DNAH14: variants seen among roughly 807,000 people sequenced by gnomAD.
DNAH14 encodes the protein dynein axonemal heavy chain 14, also known as axonemal beta dynein heavy chain 14.
DNAH14 carries 478 observed loss-of-function variants against 520.9 expected under a neutral mutation model. That is an observed-to-expected ratio of 0.92 (90% confidence interval 0.85 to 0.99). The LOEUF is 0.99. Ranked by LOEUF, DNAH14 falls within the 50% of genes least tolerant of loss-of-function variation. The pLI is 0.00. For synonymous variants in DNAH14, 1,581 were observed against 1,757.2 expected (o/e 0.90, Z 2.51); for missense variants, 4,831 against 5,234.5 (o/e 0.92, Z 2.38).
In DNAH14 at chr1:225,192,873, G is replaced by C; in HGVS notation, c.5848G>C (p.Asp1950His). The C allele has an allele frequency of 6.5e-7, 1 of 1,549,522 alleles. No homozygotes were observed. Among genetic ancestry groups the C allele is most frequent in the Non-Finnish European group, 8.7e-7 (1 of 1,145,836 alleles). The change falls in exon 38 of 86, where the codon GAT (aspartate) becomes CAT (histidine). Residue 1950 changes from aspartate to histidine, a missense_variant. Coordinates refer to ENST00000682510, the MANE Select transcript of DNAH14 (RefSeq NM_001367479.1). ...ACCAAAGAACACAAAGAAAGACATT[G>C]ATCTCAGACTAAAGTCAAGAATCTC... is the stretch of plus-strand genomic sequence containing the variant. ...NTPKNTKKDIDLRLKSRISDL... is the reference protein window; with the variant it reads ...NTPKNTKKDIHLRLKSRISDL...
In DNAH14 at chr1:225,360,703, C is replaced by A. The variant is rs779832271; in HGVS notation, c.11799C>A (p.Leu3933=). ...CAGGGATCGACCTTACCAATATCCT[C>A]CTGAGATTTGCACAAGAGTTAAAAG... ...QTHGIDLTNI[L]LRFAQELKGT... The change falls in exon 75 of 86, where the codon CTC becomes CTA. Residue 3933 remains leucine (L), a synonymous_variant. Coordinates refer to ENST00000682510, the MANE Select transcript of DNAH14 (RefSeq NM_001367479.1). The A allele has an allele frequency of 6.4e-7, 1 of 1,551,590 alleles. No homozygotes were observed. Among genetic ancestry groups the A allele is most frequent in the African/African-American group, 1.4e-5 (1 of 73,052 alleles).
intron 38 of DNAH14, among the ~76,000 whole-genome samples, chr1:225,201,916 C>G (rs1485633134): frequency 7.0e-6 from 1 of 141,978 alleles, no homozygotes. Context: ...CCTCTTGTCC[C>G]CCAGGCTGGA....
chr1:225,114,786 C>T (rs1008490794), intron 23 of DNAH14, among the ~76,000 whole-genome samples: 8 of 152,194 alleles, frequency 5.3e-5, no homozygotes, highest in Non-Finnish European at 1.2e-4. Flanking sequence ...CCCACAGTCA[C>T]TGTGCTCTCT....
intron 23 of DNAH14, among the ~76,000 whole-genome samples, chr1:225,108,259 A>G (rs1033806922): frequency 5.3e-5 from 8 of 152,182 alleles, no homozygotes; most frequent in African/African-American, 1.7e-4. Flanking sequence ...AGGGTTTCTC[A>G]GGCCTTCAGC....
At chr1:225,017,296 AC>A (rs2065289005) in intron 10 of DNAH14, among the ~76,000 whole-genome samples, 1 of 152,238 alleles carries the variant, frequency 6.6e-6, no homozygotes, top group African/African-American at 2.4e-5. Flanking sequence ...ATGTTTAAAT[AC>A]AGTATGAGCA....
chr1:225,263,599 A>C (rs1359556799), intron 46 of DNAH14, among the ~76,000 whole-genome samples: 1 of 151,968 alleles, frequency 6.6e-6, no homozygotes, highest in East Asian at 1.9e-4. Flanking sequence ...AGCCACCATC[A>C]TCTATGTCTT....
In DNAH14 at chr1:225,392,421, G is replaced by A. The variant is rs1318654145; in HGVS notation, c.13461G>A (p.Lys4487=). Residue 4487 remains lysine (K), a synonymous_variant, in exon 84 of 86, where the codon AAG becomes AAA. Transcript: ENST00000682510. The part of the protein sequence containing the change: ...KDEKFSVFMP[K]KLNIVRRAFK... ...AGAAGTTCTCCGTATTTATGCCAAA[G>A]AAACTCAACATAGTCAGGAGAGCGT... 2 of 1,551,838 alleles carry A rather than the reference G, an allele frequency of 1.3e-6. No homozygotes were observed. The highest frequency in any genetic ancestry group is 2.7e-5 in the African/African-American group (2 of 73,064).
intron 10 of DNAH14, among the ~76,000 whole-genome samples, chr1:225,013,571 G>C (rs1267405695): frequency 6.6e-6 from 1 of 152,104 alleles, no homozygotes; most frequent in Non-Finnish European, 1.5e-5. Context: ...CCTTTCCCCA[G>C]GTGCTCTGTG....
chr1:225,104,162 G>A (rs183707311), intron 23 of DNAH14, among the ~76,000 whole-genome samples: 14 of 150,558 alleles, frequency 9.3e-5, no homozygotes, highest in South Asian at 2.1e-4. Flanking sequence ...GGTTTTTGTC[G>A]TTCTGTTTAT....
Position 225,147,228 on chromosome 1 carries a change from C to CA in DNAH14, c.4923dup (p.Asp1642ArgfsTer39), listed in dbSNP as rs758421334. ...TCACAGATCCTAACAATTAAGGCTGCAAAAGACAACTATTCTGCCAGGTAT... is the reference window on the plus strand; with the variant it reads ...TCACAGATCCTAACAATTAAGGCTGCAAAAAGACAACTATTCTGCCAGGTAT... On this transcript the variant is annotated frameshift_variant, in exon 31 of 86. Transcript: ENST00000682510. LOFTEE classifies it high-confidence loss of function. The CA allele has an allele frequency of 1.9e-6, 3 of 1,545,422 alleles. No individual in the cohort carries two copies. The highest frequency in any genetic ancestry group is 2.6e-6 in the Non-Finnish European group (3 of 1,145,214).
chr1:225,056,856 T>C (rs562987324), intron 17 of DNAH14, among the ~76,000 whole-genome samples: 1 of 152,330 alleles, frequency 6.6e-6, no homozygotes, highest in East Asian at 1.9e-4. Flanking sequence ...TGTGGAATTA[T>C]TTCTGAGGGC....
intron 38 of DNAH14, among the ~76,000 whole-genome samples, chr1:225,202,464 G>A (rs1394013468): frequency 3.3e-5 from 5 of 152,092 alleles, no homozygotes; most frequent in Admixed American, 1.3e-4. Context: ...GGTTGTCAGG[G>A]AAGTGGGGGA....
intron 1 of DNAH14, among the ~76,000 whole-genome samples, chr1:224,943,532 G>T (rs1450373029): frequency 6.6e-6 from 1 of 152,080 alleles, no homozygotes; most frequent in Non-Finnish European, 1.5e-5. Context: ...CTTGCCTTCT[G>T]CTAGCTTTTC....
At chr1:225,353,945 T>C (rs2095401347) in intron 73 of DNAH14, 57 bp downstream of exon 73, 13 of 1,004,024 alleles carry the variant, frequency 1.3e-5, no homozygotes, top group Non-Finnish European at 1.8e-5. Context: ...GCTTTATTAG[T>C]AACTTAAACC....
intron 54 of DNAH14, among the ~76,000 whole-genome samples, chr1:225,289,052 C>T (rs1157580469): frequency 6.6e-6 from 1 of 152,054 alleles, no homozygotes; most frequent in Admixed American, 6.6e-5. Context: ...GAAGTAGAAA[C>T]CATTCAAATG....
chr1:225,293,366 T>G (rs1459393415), intron 55 of DNAH14, among the ~76,000 whole-genome samples: 1 of 152,122 alleles, frequency 6.6e-6, no homozygotes, highest in Non-Finnish European at 1.5e-5. Flanking sequence ...TAAAGATACA[T>G]GCATGTGTAT....
At chr1:225,108,035 T>G (rs2076216138) in intron 23 of DNAH14, among the ~76,000 whole-genome samples, 1 of 152,212 alleles carries the variant, frequency 6.6e-6, no homozygotes, top group African/African-American at 2.4e-5. Flanking sequence ...GTCAGTGGAC[T>G]GGGAGAGCCA....
At chr1:225,375,958 T>C (rs2095693616) in intron 78 of DNAH14, among the ~76,000 whole-genome samples, 1 of 150,732 alleles carries the variant, frequency 6.6e-6, no homozygotes, top group African/African-American at 2.4e-5. Flanking sequence ...CATGATGGTG[T>C]GCACTTGTAG....
At chr1:225,223,692 T>C (rs920424594) in intron 41 of DNAH14, among the ~76,000 whole-genome samples, 2 of 152,150 alleles carry the variant, frequency 1.3e-5, no homozygotes, top group African/African-American at 4.8e-5. Context: ...ACTTCTATAC[T>C]ATTCCCCTTG....
Sources: gnomAD v4.1 joint callset for allele counts (sites outside exome capture counted in the v4.1 genomes callset) on GRCh38, gnomAD v4.1.1 for gene constraint, MANE v1.5 for transcripts, NCBI Gene and HGNC (gene_info 2026-07-23, HGNC 2026-07-21) for gene names.